Variants in SATB1 observed in about 807,000 individuals in gnomAD.
The protein encoded by SATB1 is DNA-binding protein SATB1.
A neutral mutation model predicts 86.9 loss-of-function variants in SATB1; 11 were observed. That is an observed-to-expected ratio of 0.13 (90% CI 0.08 to 0.21). SATB1 has a LOEUF of 0.21. Ranked by LOEUF, SATB1 falls within the 10% of genes least tolerant of loss-of-function variation. The probability of loss-of-function intolerance (pLI) is 1.00; values close to 1 mark genes in which losing one functional copy is unlikely to be tolerated. For missense variants in SATB1, 551 were observed against 937.6 expected, an observed-to-expected ratio of 0.59 and a Z score of 5.39; for synonymous variants, 357 against 357.2, an observed-to-expected ratio of 1.00 and a Z score of 0.01.
chr3:18,420,729 T>C, intron 2 of SATB1, 28 bp downstream of exon 2: 1 of 1,598,494 alleles, frequency 6.3e-7, no homozygotes, highest in South Asian at 1.1e-5. Context: ...GCTTTCAGCT[T>C]TTCAAGATTT....
Position 18,417,089 on chromosome 3 carries a change from G to GATGAAGA in SATB1, c.212-18_212-12dup, listed in dbSNP as rs1427432381. 6.2e-7 allele frequency: 1 copy of GATGAAGA among 1,609,370 alleles called. No individual in the cohort carries two copies. The highest frequency in any genetic ancestry group is 8.5e-7 in the Non-Finnish European group (1 of 1,178,622). ...CTGGCAGCATGGTTCCTATCAAAAA[G>GATGAAGA]ATGAAGAAGAAGAGATGGAAAACCA... On this transcript the variant is annotated splice_polypyrimidine_tract_variant and intron_variant, in intron 2 of 10. Coordinates refer to ENST00000338745, the MANE Select transcript of SATB1 (RefSeq NM_002971.6).
chr3:18,436,869 G>T (rs936833320), exon 2 of SATB1: 1 of 152,138 alleles, frequency 6.6e-6, no homozygotes, highest in Non-Finnish European at 1.5e-5. Flanking sequence ...GAGGTTACAA[G>T]ATCTACAAAT....
Position 18,345,574 on chromosome 3 carries a change from T to C in SATB1, c.*3596A>G, listed in dbSNP as rs1694010523. 1 of 152,086 alleles carries C rather than the reference T, an allele frequency of 6.6e-6. No individual in the cohort carries two copies. The highest frequency in any genetic ancestry group is 1.5e-5 in the Non-Finnish European group (1 of 67,960). The allele number at this position is 152,086 out of a possible 1,614,324, so 9.4% of individuals were successfully genotyped here. A position where few individuals can be genotyped will look rare whatever the true frequency, so the allele number is the denominator to read the frequency against. ...GTATTTAGTATTTACATTAAAAGGA[T>C]TGCCTCAGAAGAAACATTGAATTCA... On this transcript the variant is annotated 3_prime_UTR_variant, in exon 11 of 11. Coordinates refer to ENST00000338745, the MANE Select transcript of SATB1 (RefSeq NM_002971.6).
At chr3:18,445,321 C>T in intron 1 of SATB1, 2 of 984,942 alleles carry the variant, frequency 2.0e-6, no homozygotes, top group Non-Finnish European at 2.4e-6. Context: ...CTGCGCACCG[C>T]TCCCGGGCTC....
At chr3:18,411,115 T>C (rs1442312012) in intron 5 of SATB1, 1 of 372,854 alleles carries the variant, frequency 2.7e-6, no homozygotes, top group Non-Finnish European at 4.7e-6. Flanking sequence ...AATGGAATGT[T>C]CAAATTTATT....
At chr3:18,422,679 GC>G (rs1322245880) in intron 1 of SATB1, among the ~76,000 whole-genome samples, 1 of 152,138 alleles carries the variant, frequency 6.6e-6, no homozygotes, top group Non-Finnish European at 1.5e-5. Context: ...ATAACACAGA[GC>G]TTTTTCTGAA....
In SATB1 at chr3:18,386,436, G is replaced by C. The variant is rs1696347311; in HGVS notation, c.1382C>G (p.Ala461Gly). 6.2e-7 allele frequency: 1 copy of C among 1,613,992 alleles called. No homozygotes were observed. Among genetic ancestry groups the C allele is most frequent in the Non-Finnish European group, 8.5e-7 (1 of 1,180,012 alleles). ...GCTGGGTGGTGTGCTGATGAGGGGG[G>C]CAGGACCCATGGCCGAGGCAGCATT... ...SLNAASAMGP[A>G]PLISTPPSRP... is the part of the protein sequence containing the mutation. Residue 461 changes from alanine (A) to glycine (G), a missense_variant, in exon 8 of 11, where the codon GCC becomes GGC. This residue lies in a region of SATB1 where 110 missense variants were observed against 212.2 expected (regional missense o/e 0.52). Transcript: ENST00000338745. The surrounding 1 kb of genome is among the most constrained non-coding windows in gnomAD (Gnocchi z 4.5).
At chr3:18,392,164 T>C (rs1486708510) in intron 7 of SATB1, among the ~76,000 whole-genome samples, 2 of 152,150 alleles carry the variant, frequency 1.3e-5, no homozygotes, top group East Asian at 3.8e-4. Context: ...GCAATCAAGC[T>C]ATACAAGGTA....
At chr3:18,368,517 T>C (rs911690365) in intron 9 of SATB1, among the ~76,000 whole-genome samples, 2 of 151,762 alleles carry the variant, frequency 1.3e-5, no homozygotes, top group African/African-American at 4.8e-5. Context: ...GAAGCAAAGA[T>C]TATACAAAGA....
chr3:18,434,834 C>G (rs1397915660), intron 2 of SATB1: 5 of 151,560 alleles, frequency 3.3e-5, no homozygotes, highest in Non-Finnish European at 5.9e-5. Flanking sequence ...ATGTTTATCT[C>G]TATATAAGAG....
intron 9 of SATB1, among the ~76,000 whole-genome samples, chr3:18,375,079 A>C (rs990104702): frequency 3.9e-4 from 59 of 152,140 alleles, no homozygotes; most frequent in African/African-American, 1.1e-3. Context: ...CTGTGTTGGT[A>C]AGAACCTTGT....
At chr3:18,355,175 A>G (rs1461535301) in intron 9 of SATB1, among the ~76,000 whole-genome samples, 1 of 151,976 alleles carries the variant, frequency 6.6e-6, no homozygotes, top group Non-Finnish European at 1.5e-5. Context: ...GGGGGAGGGG[A>G]TGCTTCTCTT....
upstream of SATB1, chr3:18,425,351 C>A: frequency 6.5e-6 from 1 of 154,884 alleles, no homozygotes; most frequent in Non-Finnish European, 1.4e-5. Flanking sequence ...GCGGCGGCGG[C>A]GGCGGCGGCG....
At chr3:18,370,063 G>A (rs1695388879) in intron 9 of SATB1, among the ~76,000 whole-genome samples, 1 of 152,162 alleles carries the variant, frequency 6.6e-6, no homozygotes, top group Non-Finnish European at 1.5e-5. Context: ...TAATAATACA[G>A]TTCATATTGA....
At chr3:18,392,998 C>T (rs867165101) in intron 7 of SATB1, among the ~76,000 whole-genome samples, 9 of 149,100 alleles carry the variant, frequency 6.0e-5, no homozygotes, top group African/African-American at 2.2e-4. Flanking sequence ...GATGAATCGA[C>T]TGAAAACAAA....
In SATB1 at chr3:18,371,043, A is replaced by G. The variant is rs142993754; in HGVS notation, c.1575+7127T>C. Among the ~76,000 whole-genome samples, 1,467 of 152,348 alleles carry G rather than the reference A, an allele frequency of 9.6e-3. 15 individuals carry two copies. Among genetic ancestry groups the G allele is most frequent in the Non-Finnish European group, 0.014 (968 of 68,032 alleles). ...AGGATCAGACACCTTATTATATGACAGCATGCTGCCTATGATCTGATTTAC... is the reference window on the plus strand; with the variant it reads ...AGGATCAGACACCTTATTATATGACGGCATGCTGCCTATGATCTGATTTAC... On this transcript the variant is annotated intron_variant, in intron 9 of 10. Transcript: ENST00000338745.
intron 6 of SATB1, 141 bp from the exon 7 acceptor site, chr3:18,395,057 A>G: frequency 3.1e-6 from 2 of 651,244 alleles, no homozygotes; most frequent in Non-Finnish European, 5.1e-6. Flanking sequence ...TTCAAGTTGC[A>G]ACTTACCAGG....
At chr3:18,362,881 A>AAAAAAAAAAAAAAAC (rs373536891) in intron 9 of SATB1, among the ~76,000 whole-genome samples, 13 of 108,220 alleles carry the variant, frequency 1.2e-4, no homozygotes, top group Non-Finnish European at 1.9e-4. Context: ...AAAAAAAAAA[A>AAAAAAAAAAAAAAAC]CCAAAACCCC....
chr3:18,440,900 A>G (rs2125210770), upstream of SATB1, among the ~76,000 whole-genome samples: 1 of 152,354 alleles, frequency 6.6e-6, no homozygotes, highest in African/African-American at 2.4e-5. Context: ...CAAACCACAC[A>G]AAACTGAAAA....
Sources: allele counts gnomAD v4.1 joint callset (sites outside exome capture counted in the v4.1 genomes callset), GRCh38; gene constraint gnomAD v4.1.1; regional missense constraint gnomAD v4.1.1; non-coding constraint Gnocchi (gnomAD v3.1); transcripts MANE v1.5; gene names NCBI Gene and HGNC (gene_info 2026-07-23, HGNC 2026-07-21).